Variants in CEMIP2 observed in about 807,000 individuals in gnomAD.
CEMIP2 encodes the protein cell migration inducing hyaluronidase 2, also known as cell surface hyaluronidase CEMIP2.
In CEMIP2, 79 loss-of-function variants were observed where a neutral mutation model predicts 146.9. That is an observed-to-expected ratio of 0.54 (90% confidence interval 0.45 to 0.65). The LOEUF (loss-of-function observed/expected upper bound fraction) is 0.65. Among genes scored for constraint, CEMIP2 ranks in the 30% least tolerant of loss-of-function variants. CEMIP2 has a pLI of 0.00. For missense variants in CEMIP2, 1,596 were observed against 1,696.2 expected (o/e 0.94, Z 1.04); for synonymous variants, 601 against 606.3 (o/e 0.99, Z 0.13).
chr9:71,729,549 G>C (rs998135089), intron 10 of CEMIP2, among the ~76,000 whole-genome samples: 1 of 151,682 alleles, frequency 6.6e-6, no homozygotes, highest in Non-Finnish European at 1.5e-5. Context: ...AACCCGGGGG[G>C]TGGAGCTTGC....
At chr9:71,759,852 G>T (rs1373349552) in intron 1 of CEMIP2, among the ~76,000 whole-genome samples, 2 of 150,422 alleles carry the variant, frequency 1.3e-5, no homozygotes, top group African/African-American at 4.9e-5. Flanking sequence ...CAGGGGGTCA[G>T]TCCTATCTTT....
intron 4 of CEMIP2, among the ~76,000 whole-genome samples, chr9:71,742,069 C>T (rs1221862283): frequency 1.3e-5 from 2 of 151,992 alleles, no homozygotes; most frequent in East Asian, 1.9e-4. Context: ...GTTTAAAACA[C>T]GAAAAGAAAA....
At chr9:71,690,326 C>T in intron 21 of CEMIP2, 80 bp from the exon 22 acceptor site, 1 of 1,503,098 alleles carries the variant, frequency 6.7e-7, no homozygotes, top group South Asian at 1.2e-5. Context: ...CGGCCCTTTC[C>T]CTGTGTCTTC....
Position 71,714,965 on chromosome 9 carries a change from C to G in CEMIP2, c.2560G>C (p.Asp854His). ...QNKYVGTGGI[D>H]QKPRTLPRNR... ...CTGGGTAATGTTCGAGGCTTCTGGT[C>G]TATTCCTCCAGTGCCTACATACTTG... Residue 854 changes from aspartate to histidine, a missense_variant, in exon 15 of 24, where the codon GAC (aspartate) becomes CAC (histidine). By Grantham distance (81) the Asp-to-His change is moderately conservative. Transcript: ENST00000377044. 1 of 1,613,932 alleles carries G rather than the reference C, an allele frequency of 6.2e-7. No homozygotes were observed.
At position 71,689,195 on chromosome 9, in the gene CEMIP2, G is replaced by T. The variant is rs74805036; in HGVS notation, c.3851+897C>A. On this transcript the variant is annotated intron_variant, in intron 22 of 23. Transcript: ENST00000377044. The stretch of plus-strand genomic sequence containing the variant: ...AGTGTCTTAAGCCAGAAGACAGAAC[G>T]ACATATATACATTTAATGTTACATC... 5.8e-3 allele frequency among the ~76,000 whole-genome samples: 879 copies of T among 152,198 alleles called. 6 individuals are homozygous for T. The highest frequency in any genetic ancestry group is 0.02 in the African/African-American group (824 of 41,508).
At chr9:71,712,911 A>G (rs972344311) in intron 15 of CEMIP2, among the ~76,000 whole-genome samples, 1 of 152,212 alleles carries the variant, frequency 6.6e-6, no homozygotes, top group African/African-American at 2.4e-5. Context: ...GAATTCCTTA[A>G]GTTCCTCTCC....
intron 18 of CEMIP2, among the ~76,000 whole-genome samples, chr9:71,703,410 C>T (rs1229452475): frequency 6.6e-6 from 1 of 152,106 alleles, no homozygotes; most frequent in Non-Finnish European, 1.5e-5. Context: ...ATGCCAGAGC[C>T]CTAACAATCT....
Position 71,746,193 on chromosome 9 carries a change from T to G in CEMIP2, c.472+8A>C. On this transcript the variant is annotated splice_region_variant and intron_variant, in intron 3 of 23. Coordinates refer to ENST00000377044, the MANE Select transcript of CEMIP2 (RefSeq NM_013390.3). Reference sequence around the variant, plus strand: ...TTGCAGTTCCCATAGGCAGGAACCATTACCTACCTCCATCCTGAATGACTA... The same window carrying G: ...TTGCAGTTCCCATAGGCAGGAACCAGTACCTACCTCCATCCTGAATGACTA... The G allele has an allele frequency of 6.2e-7, 1 of 1,612,548 alleles. No homozygotes were observed. The highest frequency in any genetic ancestry group is 1.1e-5 in the South Asian group (1 of 90,896).
At chr9:71,744,548 AAAAAAGAAAAAG>A (rs887101875) in intron 4 of CEMIP2, among the ~76,000 whole-genome samples, 1 of 152,162 alleles carries the variant, frequency 6.6e-6, no homozygotes, top group African/African-American at 2.4e-5. Flanking sequence ...AAGGAGTCCG[AAAAAAGAAAAAG>A]AAAAAGAAAA....
At chr9:71,757,424 C>T (rs943711078) in intron 1 of CEMIP2, among the ~76,000 whole-genome samples, 8 of 152,090 alleles carry the variant, frequency 5.3e-5, no homozygotes, top group South Asian at 2.1e-4. Flanking sequence ...TTTTTGCTTT[C>T]GGAGAGTTTC....
Position 71,690,172 on chromosome 9 carries a change from G to A in CEMIP2, c.3771C>T (p.Phe1257=). ...LLVVDPCSVP[F]RLTEKTVFPL... The stretch of plus-strand genomic sequence containing the variant: ...GAAAAACCGTTTTTTCCGTCAAGCG[G>A]AATGGAACGCTGCACGGATCCACAA... The change falls in exon 22 of 24, where the codon TTC becomes TTT. Residue 1257 remains phenylalanine (F), a synonymous_variant. Coordinates refer to ENST00000377044, the MANE Select transcript of CEMIP2 (RefSeq NM_013390.3). 1.9e-6 allele frequency: 3 copies of A among 1,614,138 alleles called. No individual in the cohort carries two copies. Among genetic ancestry groups the A allele is most frequent in the Non-Finnish European group, 2.5e-6 (3 of 1,180,018 alleles).
chr9:71,717,605 A>T lies in CEMIP2; in HGVS notation c.2399+343T>A, dbSNP rs560411420. Among the ~76,000 whole-genome samples, 9 of 152,346 alleles carry T rather than the reference A, an allele frequency of 5.9e-5. No individual in the cohort carries two copies. In the South Asian group the frequency reaches 1.9e-3, roughly 32 times the overall value. On this transcript the variant is annotated intron_variant, in intron 13 of 23. Transcript: ENST00000377044. ...CAATAGAAGAGCATCAGAAAAACTA[A>T]GGAGTTTTCAAGAGGAAGGGAAAAG...
At chr9:71,737,498 A>C (rs1287168484) in intron 5 of CEMIP2, among the ~76,000 whole-genome samples, 1 of 152,234 alleles carries the variant, frequency 6.6e-6, no homozygotes, top group East Asian at 1.9e-4. Context: ...ACTTTGGAGA[A>C]TCAAAAGTGG....
Position 71,750,169 on chromosome 9 carries a change from C to G in CEMIP2, c.205G>C (p.Ala69Pro). The G allele has an allele frequency of 6.2e-7, 1 of 1,613,960 alleles. No homozygotes were observed. Among genetic ancestry groups the G allele is most frequent in the East Asian group, 2.2e-5 (1 of 44,730 alleles). The change falls in exon 2 of 24, where the codon GCC (alanine) becomes CCC (proline). Residue 69 changes from alanine (A) to proline (P), a missense_variant. Physicochemically the swap from Ala to Pro is conservative, Grantham distance 27. Coordinates refer to ENST00000377044, the MANE Select transcript of CEMIP2 (RefSeq NM_013390.3). ...TFAFSPEEQQ[A>P]QRESQKQKRH... ...TTTTGCTTTTGACTTTCTCTCTGGGCTTGCTGTTCTTCAGGTGAGAATGCG... is the reference window on the plus strand; with the variant it reads ...TTTTGCTTTTGACTTTCTCTCTGGGGTTGCTGTTCTTCAGGTGAGAATGCG...
chr9:71,759,281 A>G (rs1246391005), intron 1 of CEMIP2, among the ~76,000 whole-genome samples: 3 of 152,176 alleles, frequency 2.0e-5, no homozygotes, highest in Non-Finnish European at 1.5e-5. Flanking sequence ...CACACCACGT[A>G]TCACTCAGAT....
chr9:71,729,822 GAGGT>G lies in CEMIP2; in HGVS notation c.2049+19_2049+22del. 6.2e-7 allele frequency: 1 copy of G among 1,607,088 alleles called. No individual in the cohort carries two copies. The highest frequency in any genetic ancestry group is 1.1e-5 in the South Asian group (1 of 90,866). On this transcript the variant is annotated intron_variant, in intron 10 of 23. Coordinates refer to ENST00000377044, the MANE Select transcript of CEMIP2 (RefSeq NM_013390.3). ...AAACAAGAAAAACATTAAAACATCT[GAGGT>G]CACTTTAACGTTATTTACCTGTGAG...
intron 1 of CEMIP2, among the ~76,000 whole-genome samples, chr9:71,760,406 T>TTGGTTAAGAACAGCTAACAC (rs1554689795): frequency 2.1e-5 from 3 of 143,968 alleles, no homozygotes; most frequent in African/African-American, 2.4e-5. Flanking sequence ...AAGTGAAAAC[T>TTGGTTAAGAACAGCTAACAC]TCTTAAAGTG....
chr9:71,702,435 G>A (rs1589132549), intron 18 of CEMIP2, among the ~76,000 whole-genome samples: 1 of 151,086 alleles, frequency 6.6e-6, no homozygotes, highest in Non-Finnish European at 1.5e-5. Flanking sequence ...ATGTTCATGG[G>A]GTAAGGGGGG....
intron 16 of CEMIP2, among the ~76,000 whole-genome samples, chr9:71,709,877 T>C (rs1340059927): frequency 6.6e-6 from 1 of 152,188 alleles, no homozygotes; most frequent in Non-Finnish European, 1.5e-5. Flanking sequence ...GTAAGATCTG[T>C]GCATTTCCCT....
Sources: gnomAD v4.1 joint callset for allele counts (sites outside exome capture counted in the v4.1 genomes callset) on GRCh38, gnomAD v4.1.1 for gene constraint, MANE v1.5 for transcripts, NCBI Gene and HGNC (gene_info 2026-07-23, HGNC 2026-07-21) for gene names.